The following NPNT variants were observed in gnomAD, a reference collection of about 807,000 sequenced individuals.
NPNT encodes preosteoblast EGF-like repeat protein with MAM domain.
NPNT carries 45 observed loss-of-function variants against 68.6 expected under a neutral mutation model. The ratio of observed to expected loss-of-function variants is 0.66; its 90% confidence interval spans 0.52 to 0.84. NPNT has a LOEUF of 0.84. Ranked by LOEUF, NPNT falls within the 40% of genes least tolerant of loss-of-function variation. NPNT has a pLI of 0.00. For synonymous variants in NPNT, 233 were observed against 253.3 expected, an observed-to-expected ratio of 0.92 and a Z score of 0.76; for missense variants, 672 against 714.8, an observed-to-expected ratio of 0.94 and a Z score of 0.68.
chr4:105,965,959 C>T (rs1181678789), intron 10 of NPNT, among the ~76,000 whole-genome samples: 1 of 152,142 alleles, frequency 6.6e-6, no homozygotes, highest in Non-Finnish European at 1.5e-5. Flanking sequence ...CAGAGGCTGG[C>T]ACACAGTAAG....
chr4:105,941,025 G>C (rs4377594), intron 7 of NPNT, among the ~76,000 whole-genome samples: 138,927 of 151,834 alleles, frequency 0.91, 63,683 homozygotes, highest in East Asian at 1. Flanking sequence ...CTGTTTTATT[G>C]CTCCTAACTC....
In NPNT at chr4:105,927,426, A is replaced by G; in HGVS notation, c.263A>G (p.Gln88Arg). The change falls in exon 3 of 12, where the codon CAA becomes CGA. Residue 88 changes from glutamine to arginine, a missense_variant and splice_region_variant. By Grantham distance (43) the Gln-to-Arg change is conservative. Coordinates refer to ENST00000379987, the MANE Select transcript of NPNT (RefSeq NM_001033047.3). ...GGTTATGCTGGAAAAACCTGTAATC[A>G]AGGTAGGAAAACAGTCTGACATAAA... is the stretch of plus-strand genomic sequence containing the variant. Reference protein sequence around the residue: ...HPGYAGKTCNQDLNECGLKPR... With the variant: ...HPGYAGKTCNRDLNECGLKPR... 1 of 1,594,958 alleles carries G rather than the reference A, an allele frequency of 6.3e-7. No homozygotes were observed. The highest frequency in any genetic ancestry group is 2.2e-5 in the East Asian group (1 of 44,692).
intron 2 of NPNT, chr4:105,912,048 A>AT (rs950361735): frequency 3.7e-4 from 238 of 646,804 alleles, no homozygotes; most frequent in Admixed American, 5.2e-4. Flanking sequence ...CATGTCCTAG[A>AT]TTTTTTTTTG....
chr4:105,895,508 G>C lies in NPNT; in HGVS notation c.-145G>C. 1 of 660,294 alleles carries C rather than the reference G, an allele frequency of 1.5e-6. No homozygotes were observed. The highest frequency in any genetic ancestry group is 2.0e-5 in the South Asian group (1 of 49,732). 40.9% of individuals were successfully genotyped at this position (660,294 alleles called of 1,614,324 possible). A position where few individuals can be genotyped will look rare whatever the true frequency, so the allele number is the denominator to read the frequency against. On this transcript the variant is annotated 5_prime_UTR_variant, in exon 1 of 12. Transcript: ENST00000379987. ...TGCTCCGGCCGCGCGCCTCGCCGCT[G>C]TCCTCCGGGAGCGGCAGCAGTAGCC...
intron 2 of NPNT, chr4:105,912,116 A>T: frequency 1.9e-6 from 2 of 1,057,440 alleles, no homozygotes; most frequent in Non-Finnish European, 1.4e-6. Flanking sequence ...TAACAAGTTG[A>T]TAAATACCCA....
intron 2 of NPNT, among the ~76,000 whole-genome samples, chr4:105,924,872 A>G (rs772302041): frequency 1.5e-4 from 23 of 152,124 alleles, no homozygotes; most frequent in Non-Finnish European, 3.1e-4. Context: ...CCAAATTCCA[A>G]TTATTTTAAG....
chr4:105,954,917 T>G (rs1731099734), intron 8 of NPNT, among the ~76,000 whole-genome samples: 1 of 152,150 alleles, frequency 6.6e-6, no homozygotes, highest in Admixed American at 6.6e-5. Context: ...ACTTCTAGAA[T>G]GTAGATCCCA....
Position 105,940,501 on chromosome 4 carries a change from C to T in NPNT, c.641-13C>T, listed in dbSNP as rs199881463. On this transcript the variant is annotated splice_polypyrimidine_tract_variant and intron_variant, in intron 6 of 11. Transcript: ENST00000379987. ...CCTAAATAAGTCTCTTCTTTTCCTACTTTCTGATGCAGACATAGACGAATG... is the reference window on the plus strand; with the variant it reads ...CCTAAATAAGTCTCTTCTTTTCCTATTTTCTGATGCAGACATAGACGAATG... The T allele has an allele frequency of 5.6e-6, 9 of 1,607,094 alleles. No individual in the cohort carries two copies. The highest frequency in any genetic ancestry group is 7.6e-6 in the Non-Finnish European group (9 of 1,176,578).
At chr4:105,900,685 C>G (rs565694365) in intron 2 of NPNT, among the ~76,000 whole-genome samples, 1 of 152,242 alleles carries the variant, frequency 6.6e-6, no homozygotes, top group African/African-American at 2.4e-5. Context: ...AGATGCTACT[C>G]AAATGGGCAT....
intron 2 of NPNT, among the ~76,000 whole-genome samples, chr4:105,920,330 G>A (rs1728155012): frequency 7.1e-6 from 1 of 140,626 alleles, no homozygotes; most frequent in Non-Finnish European, 1.5e-5. Context: ...AAACAAATTA[G>A]GGAATGAAAT....
chr4:105,911,895 A>G, intron 2 of NPNT: 1 of 299,250 alleles, frequency 3.3e-6, no homozygotes, highest in Non-Finnish European at 6.2e-6. Context: ...GGATTTGAAA[A>G]TACAGCATCA....
chr4:105,943,459 A>G (rs1477690061), intron 8 of NPNT, among the ~76,000 whole-genome samples: 4 of 152,036 alleles, frequency 2.6e-5, no homozygotes, highest in African/African-American at 9.7e-5. Flanking sequence ...ATTGCTGTAA[A>G]CTGATAGTTA....
At position 105,969,294 on chromosome 4, in the gene NPNT, G is replaced by T. The variant is rs1260637614; in HGVS notation, c.*304G>T. On this transcript the variant is annotated 3_prime_UTR_variant, in exon 12 of 12. Coordinates refer to ENST00000379987, the MANE Select transcript of NPNT (RefSeq NM_001033047.3). ...CGTGAGCCATACCATCCTCCATCCT[G>T]ATTACAAGGTGCTCCTTGTAGCAAA... The T allele has an allele frequency of 1.7e-5, 4 of 241,218 alleles. No individual in the cohort carries two copies. Among genetic ancestry groups the T allele is most frequent in the Non-Finnish European group, 3.2e-5 (4 of 124,380 alleles). The allele number at this position is 241,218 out of a possible 1,614,324, so 14.9% of individuals were successfully genotyped here. A position where few individuals can be genotyped will look rare whatever the true frequency, so the allele number is the denominator to read the frequency against.
At chr4:105,939,308 A>G (rs895369821) in intron 5 of NPNT, among the ~76,000 whole-genome samples, 5 of 152,228 alleles carry the variant, frequency 3.3e-5, no homozygotes, top group African/African-American at 1.2e-4. Flanking sequence ...ACAGCCAAGC[A>G]GCTGAAGACA....
intron 10 of NPNT, among the ~76,000 whole-genome samples, chr4:105,964,199 C>T (rs144267914): frequency 6.6e-6 from 1 of 152,308 alleles, no homozygotes; most frequent in East Asian, 1.9e-4. Flanking sequence ...TGAAGCATGT[C>T]CCCTGTCAGT....
intron 2 of NPNT, among the ~76,000 whole-genome samples, chr4:105,903,614 T>A (rs1487499961): frequency 6.6e-6 from 1 of 152,190 alleles, no homozygotes; most frequent in Non-Finnish European, 1.5e-5. Context: ...GATTAGTTTT[T>A]GGTATACTTT....
chr4:105,932,761 T>TA, intron 3 of NPNT: 1 of 1,165,504 alleles, frequency 8.6e-7, no homozygotes, highest in Non-Finnish European at 1.2e-6. Flanking sequence ...TTCCTGCAGT[T>TA]ATGTCACTTC....
At chr4:105,907,519 C>T (rs557340277) in intron 2 of NPNT, among the ~76,000 whole-genome samples, 8 of 152,018 alleles carry the variant, frequency 5.3e-5, no homozygotes, top group Admixed American at 3.3e-4. Flanking sequence ...TTGCCAGGGC[C>T]GAGGTTTTCT....
chr4:105,895,838 G>C (rs1725782351), intron 1 of NPNT, 115 bp downstream of exon 1: 1 of 918,120 alleles, frequency 1.1e-6, no homozygotes, highest in Admixed American at 2.2e-5. Flanking sequence ...CCTCCATCCA[G>C]AAGTTGGGCC....
Sources: allele counts gnomAD v4.1 joint callset (sites outside exome capture counted in the v4.1 genomes callset), GRCh38; gene constraint gnomAD v4.1.1; transcripts MANE v1.5; gene names NCBI Gene and HGNC (gene_info 2026-07-23, HGNC 2026-07-21).